The following EPHA7 variants were observed in gnomAD, a reference collection of about 807,000 sequenced individuals.
EPHA7 encodes the protein EPH receptor A7.
EPHA7 carries 25 observed loss-of-function variants against 112.6 expected under a neutral mutation model. The observed-to-expected ratio is 0.22, with a 90% CI of 0.16 to 0.31. EPHA7 has a LOEUF of 0.31. Ranked by LOEUF, EPHA7 falls within the 10% of genes least tolerant of loss-of-function variation. The pLI is 1.00. For synonymous variants in EPHA7, 437 were observed against 406.5 expected, an observed-to-expected ratio of 1.07 and a Z score of -0.90; for missense variants, 962 against 1,212.6, an observed-to-expected ratio of 0.79 and a Z score of 3.07.
At chr6:93,333,377 A>C (rs954084700) in intron 5 of EPHA7, among the ~76,000 whole-genome samples, 1 of 151,848 alleles carries the variant, frequency 6.6e-6, no homozygotes, top group Non-Finnish European at 1.5e-5. Context: ...TGGCAGAATA[A>C]TTTATATTCC....
intron 2 of EPHA7, among the ~76,000 whole-genome samples, chr6:93,413,734 C>T (rs1338110659): frequency 6.6e-6 from 1 of 151,802 alleles, no homozygotes; most frequent in Non-Finnish European, 1.5e-5. Flanking sequence ...ATATCTTAAA[C>T]AGATTTGTTT....
At chr6:93,316,417 T>C (rs1159697471) in intron 5 of EPHA7, among the ~76,000 whole-genome samples, 1 of 152,068 alleles carries the variant, frequency 6.6e-6, no homozygotes, top group Non-Finnish European at 1.5e-5. Context: ...TATTTAGGAG[T>C]TTTCCCTGTG....
At chr6:93,307,313 C>T (rs1773306715) in intron 5 of EPHA7, among the ~76,000 whole-genome samples, 1 of 151,810 alleles carries the variant, frequency 6.6e-6, no homozygotes, top group African/African-American at 2.4e-5. Context: ...CATCATTTAA[C>T]AGAAATAAAT....
intron 5 of EPHA7, among the ~76,000 whole-genome samples, chr6:93,309,460 C>T (rs1773421365): frequency 6.6e-6 from 1 of 151,706 alleles, no homozygotes; most frequent in African/African-American, 2.4e-5. Flanking sequence ...TTTTTCAGCA[C>T]TTATAATCAT....
intron 3 of EPHA7, among the ~76,000 whole-genome samples, chr6:93,369,973 G>T (rs546450449): frequency 6.6e-6 from 1 of 152,156 alleles, no homozygotes; most frequent in Non-Finnish European, 1.5e-5. Context: ...AGTAAGGAGA[G>T]ACACTTCACT....
intron 2 of EPHA7, 62 bp from the exon 3 acceptor site, chr6:93,411,232 G>A (rs1582692992): frequency 5.9e-6 from 8 of 1,360,546 alleles, no homozygotes. Flanking sequence ...GCTTTTGAAA[G>A]TGCAAGTACT....
intron 11 of EPHA7, 37 bp downstream of exon 11, chr6:93,258,062 G>A: frequency 1.3e-6 from 2 of 1,563,928 alleles, no homozygotes; most frequent in Non-Finnish European, 1.8e-6. Context: ...CTGACACTCA[G>A]TCTTTTTGAT....
chr6:93,361,296 T>C (rs1432839456), intron 3 of EPHA7, among the ~76,000 whole-genome samples: 1 of 152,040 alleles, frequency 6.6e-6, no homozygotes, highest in African/African-American at 2.4e-5. Context: ...CAAAGGAAAC[T>C]ACCAATTTAG....
chr6:93,330,960 T>G (rs1774563854), intron 5 of EPHA7, among the ~76,000 whole-genome samples: 1 of 151,430 alleles, frequency 6.6e-6, no homozygotes, highest in Non-Finnish European at 1.5e-5. Flanking sequence ...ATGGAGAACA[T>G]GCACACCTAC....
chr6:93,352,725 G>C lies in EPHA7; in HGVS notation c.1324+3992C>G, dbSNP rs1006629804. ...AAAGCAGCACTTAAATAGTGCTTAA[G>C]AATGGAAAACTATGGAATACTACAC... On this transcript the variant is annotated intron_variant, in intron 5 of 16. Coordinates refer to ENST00000369303, the MANE Select transcript of EPHA7 (RefSeq NM_004440.4). Among the ~76,000 whole-genome samples the C allele has an allele frequency of 2.0e-5, 3 of 151,996 alleles. No homozygotes were observed. The South Asian group carries it at 6.2e-4, about 32-fold the overall frequency.
chr6:93,343,996 G>A (rs967654495), intron 5 of EPHA7, among the ~76,000 whole-genome samples: 24 of 151,528 alleles, frequency 1.6e-4, no homozygotes, highest in African/African-American at 5.6e-4. Flanking sequence ...AACAAATACT[G>A]CACATAGCAA....
intron 5 of EPHA7, among the ~76,000 whole-genome samples, chr6:93,327,697 G>A (rs1206262441): frequency 6.6e-6 from 1 of 151,330 alleles, no homozygotes; most frequent in Non-Finnish European, 1.5e-5. Flanking sequence ...TGTTGACTCT[G>A]TATTCAAAAT....
intron 3 of EPHA7, among the ~76,000 whole-genome samples, chr6:93,406,194 C>T (rs1047917476): frequency 6.6e-5 from 10 of 151,272 alleles, no homozygotes; most frequent in Admixed American, 5.3e-4. Flanking sequence ...TACATATTTG[C>T]TTTCAGAAAA....
At chr6:93,387,976 T>C (rs976810563) in intron 3 of EPHA7, among the ~76,000 whole-genome samples, 4 of 149,838 alleles carry the variant, frequency 2.7e-5, no homozygotes, top group Admixed American at 1.3e-4. Context: ...GATAGATAGA[T>C]AGAATAGATA....
chr6:93,270,198 T>G (rs2127878765), intron 6 of EPHA7, among the ~76,000 whole-genome samples: 1 of 151,688 alleles, frequency 6.6e-6, no homozygotes, highest in Middle Eastern at 3.4e-3. Context: ...CAAAACAGTT[T>G]AATGAAATAT....
chr6:93,250,442 T>G (rs1476572359), intron 14 of EPHA7, among the ~76,000 whole-genome samples: 2 of 152,118 alleles, frequency 1.3e-5, no homozygotes, highest in Non-Finnish European at 1.5e-5. Context: ...CCTTATTAGG[T>G]TTAAGTATCA....
intron 3 of EPHA7, among the ~76,000 whole-genome samples, chr6:93,386,841 C>T (rs1200412741): frequency 1.3e-5 from 2 of 152,038 alleles, no homozygotes; most frequent in African/African-American, 2.4e-5. Flanking sequence ...ATGGTCTGAG[C>T]TGTACCTTGG....
intron 4 of EPHA7, among the ~76,000 whole-genome samples, chr6:93,357,997 G>A (rs1776043696): frequency 6.6e-6 from 1 of 152,006 alleles, no homozygotes; most frequent in Non-Finnish European, 1.5e-5. Context: ...TGATTCTTAT[G>A]AGATACATGT....
intron 9 of EPHA7, chr6:93,260,639 A>C (rs1445614104): frequency 1.0e-6 from 1 of 977,110 alleles, no homozygotes; most frequent in Non-Finnish European, 1.2e-6. Flanking sequence ...CATAACAAAA[A>C]GAAGCAAAAT....
Sources: allele counts gnomAD v4.1 joint callset (sites outside exome capture counted in the v4.1 genomes callset), GRCh38; gene constraint gnomAD v4.1.1; transcripts MANE v1.5; gene names NCBI Gene and HGNC (gene_info 2026-07-23, HGNC 2026-07-21).